The following XKR3 variants were observed in gnomAD, a reference collection of about 807,000 sequenced individuals.
XKR3 encodes XK-related protein 3.
Under a neutral mutation model 40.3 loss-of-function variants are expected in XKR3, and 27 were observed. That is an observed-to-expected ratio of 0.67 (90% CI 0.49 to 0.92). XKR3 has a LOEUF of 0.92. Among genes scored for constraint, XKR3 ranks in the 40% least tolerant of loss-of-function variants. The probability of loss-of-function intolerance (pLI) is 0.00; values close to 1 mark genes in which losing one functional copy is unlikely to be tolerated. For synonymous variants in XKR3, 193 were observed against 195.4 expected (o/e 0.99, Z 0.10); for missense variants, 472 against 537.6 (o/e 0.88, Z 1.21).
intron 1 of XKR3, among the ~76,000 whole-genome samples, chr22:16,816,393 T>G (rs2060233586): frequency 6.6e-6 from 1 of 151,888 alleles, no homozygotes; most frequent in Admixed American, 6.6e-5. Context: ...TGAAAAAATA[T>G]TCATTTTTCC....
chr22:16,787,059 G>T (rs1467307339), intron 3 of XKR3, among the ~76,000 whole-genome samples: 8 of 151,724 alleles, frequency 5.3e-5, no homozygotes, highest in African/African-American at 1.7e-4. Context: ...TGAAATAATG[G>T]GAGGAAAAAA....
At chr22:16,794,828 C>T (rs1466014885) in intron 3 of XKR3, among the ~76,000 whole-genome samples, 1 of 152,024 alleles carries the variant, frequency 6.6e-6, no homozygotes, top group East Asian at 1.9e-4. Flanking sequence ...AGTAAAGGAG[C>T]GGGTAAGATC....
At chr22:16,817,359 A>AATCC (rs58657679) in intron 1 of XKR3, among the ~76,000 whole-genome samples, 2 of 151,156 alleles carry the variant, frequency 1.3e-5, no homozygotes, top group East Asian at 3.9e-4. Context: ...TCCACCAATC[A>AATCC]GTTTCTGCTT....
chr22:16,812,042 G>T (rs1458170332), intron 1 of XKR3, among the ~76,000 whole-genome samples: 1 of 151,744 alleles, frequency 6.6e-6, no homozygotes, highest in African/African-American at 2.4e-5. Flanking sequence ...AACAAACAAA[G>T]ACAAAACAAA....
intron 3 of XKR3, among the ~76,000 whole-genome samples, chr22:16,791,802 AGAGAGAGAGAAAG>A (rs1204115505): frequency 0.35 from 40,764 of 118,068 alleles, 4,117 homozygotes; most frequent in Middle Eastern, 0.42. Flanking sequence ...AGAGAGAGAG[AGAGAGAGAGAAAG>A]AGAGAGAGAG....
Position 16,804,280 on chromosome 22 carries a change from T to C in XKR3, c.335+3459A>G, listed in dbSNP as rs1010718754. ...ATAAGGGGTCTGGGTACTAATGCCC[T>C]ACAAACCATAAATTCTCATCAGATG... is the stretch of plus-strand genomic sequence containing the variant. On this transcript the variant is annotated intron_variant, in intron 2 of 3. Transcript: ENST00000684488. 1.8e-4 allele frequency among the ~76,000 whole-genome samples: 28 copies of C among 152,204 alleles called. 2 individuals are homozygous for C. The highest frequency in any genetic ancestry group is 1.5e-3 in the Admixed American group (23 of 15,280).
intron 3 of XKR3, among the ~76,000 whole-genome samples, chr22:16,794,740 G>A (rs1167253198): frequency 6.6e-6 from 1 of 152,158 alleles, no homozygotes; most frequent in East Asian, 1.9e-4. Context: ...ACAGTGGTAG[G>A]CTGAATAAAA....
At chr22:16,804,335 T>G (rs2146164033) in intron 2 of XKR3, among the ~76,000 whole-genome samples, 1 of 152,260 alleles carries the variant, frequency 6.6e-6, no homozygotes, top group South Asian at 2.1e-4. Context: ...TAATGTGACT[T>G]ACTTTCCAGT....
chr22:16,810,595 CCATTTTAAAGTACA>C (rs2060208513), intron 1 of XKR3, among the ~76,000 whole-genome samples: 1 of 152,026 alleles, frequency 6.6e-6, no homozygotes, highest in Admixed American at 6.6e-5. Flanking sequence ...GTAAAAGTAA[CCATTTTAAAGTACA>C]CATTTAGTGA....
intron 3 of XKR3, among the ~76,000 whole-genome samples, chr22:16,791,789 GA>G (rs1601840569): frequency 1.3e-4 from 5 of 39,966 alleles, no homozygotes; most frequent in Non-Finnish European, 2.8e-4. Flanking sequence ...GAGAGAGAGA[GA>G]GAGAGAGAGA....
intron 1 of XKR3, among the ~76,000 whole-genome samples, chr22:16,819,556 T>C (rs1321986344): frequency 1.3e-5 from 2 of 152,116 alleles, no homozygotes; most frequent in Admixed American, 1.3e-4. Context: ...TGGACATCCA[T>C]AGGTTAAGGA....
At chr22:16,817,601 C>G (rs1202808102) in intron 1 of XKR3, among the ~76,000 whole-genome samples, 1 of 152,072 alleles carries the variant, frequency 6.6e-6, no homozygotes, top group Non-Finnish European at 1.5e-5. Flanking sequence ...AAGCCAAACC[C>G]CACTGGACTC....
chr22:16,812,127 T>G (rs541145927), intron 1 of XKR3, among the ~76,000 whole-genome samples: 2 of 152,212 alleles, frequency 1.3e-5, no homozygotes, highest in African/African-American at 2.4e-5. Flanking sequence ...CATGGCCACT[T>G]CCTCCAGTTT....
intron 3 of XKR3, among the ~76,000 whole-genome samples, chr22:16,785,410 T>G (rs2060086201): frequency 6.6e-6 from 1 of 152,272 alleles, no homozygotes; most frequent in African/African-American, 2.4e-5. Flanking sequence ...ATAAGCAAAA[T>G]TATTTTAATT....
chr22:16,816,432 A>G (rs1042769782), intron 1 of XKR3, among the ~76,000 whole-genome samples: 1 of 151,464 alleles, frequency 6.6e-6, no homozygotes, highest in Non-Finnish European at 1.5e-5. Context: ...CCATATTTCT[A>G]CACTTTCTGT....
chr22:16,795,785 G>A (rs1247598988), intron 3 of XKR3, among the ~76,000 whole-genome samples: 4 of 151,990 alleles, frequency 2.6e-5, no homozygotes, highest in Non-Finnish European at 5.9e-5. Flanking sequence ...TGGCCAACAT[G>A]GTAAAACCCT....
chr22:16,824,274 T>C (rs2146185824), intron 1 of XKR3, among the ~76,000 whole-genome samples: 1 of 152,254 alleles, frequency 6.6e-6, no homozygotes, highest in South Asian at 2.1e-4. Context: ...GGGAATCATG[T>C]GCAGATGATA....
At chr22:16,805,133 A>G (rs1256965191) in intron 2 of XKR3, among the ~76,000 whole-genome samples, 1 of 152,208 alleles carries the variant, frequency 6.6e-6, no homozygotes, top group East Asian at 1.9e-4. Flanking sequence ...TAAAAAAAGG[A>G]GATGTGAAAC....
chr22:16,820,985 C>G (rs2060253418), intron 1 of XKR3, among the ~76,000 whole-genome samples: 1 of 152,022 alleles, frequency 6.6e-6, no homozygotes, highest in Admixed American at 6.6e-5. Context: ...TATTATCATC[C>G]ATAAAACAAT....
Sources: allele counts gnomAD v4.1 joint callset (sites outside exome capture counted in the v4.1 genomes callset), GRCh38; gene constraint gnomAD v4.1.1; transcripts MANE v1.5; gene names NCBI Gene and HGNC (gene_info 2026-07-23, HGNC 2026-07-21).